Variants in PDK1 observed in about 807,000 individuals in gnomAD.
The protein encoded by PDK1 is pyruvate dehydrogenase kinase 1, also known as [Pyruvate dehydrogenase (acetyl-transferring)] kinase isozyme 1, mitochondrial.
PDK1 carries 39 observed loss-of-function variants against 54.2 expected under a neutral mutation model. That is an observed-to-expected ratio of 0.72 (90% CI 0.56 to 0.94). The LOEUF (loss-of-function observed/expected upper bound fraction) is 0.94, where lower values mean the gene tolerates loss of function less well. Ranked by LOEUF, PDK1 falls within the 40% of genes least tolerant of loss-of-function variation. PDK1 has a pLI of 0.00. For missense variants in PDK1, 552 were observed against 566.0 expected, an observed-to-expected ratio of 0.98 and a Z score of 0.25; for synonymous variants, 221 against 207.1, an observed-to-expected ratio of 1.07 and a Z score of -0.58.
intron 2 of PDK1, among the ~76,000 whole-genome samples, chr2:172,561,723 A>G (rs996430267): frequency 5.9e-5 from 9 of 152,218 alleles, no homozygotes; most frequent in African/African-American, 2.2e-4. Context: ...AACCATGTAG[A>G]TTATAGGCTT....
chr2:172,618,596 A>G, the PDK1 span, among the ~76,000 whole-genome samples: 1 of 152,204 alleles, frequency 6.6e-6, no homozygotes, highest in Non-Finnish European at 1.5e-5. Flanking sequence ...CTGCACCTGG[A>G]AAAGTTATGT....
chr2:172,696,613 A>G, the PDK1 span, among the ~76,000 whole-genome samples: 1 of 152,210 alleles, frequency 6.6e-6, no homozygotes, highest in Non-Finnish European at 1.5e-5. Context: ...TCACTGACAT[A>G]TTAGGATTTA....
At chr2:172,617,688 A>G in the PDK1 span, among the ~76,000 whole-genome samples, 1 of 152,140 alleles carries the variant, frequency 6.6e-6, no homozygotes, top group Non-Finnish European at 1.5e-5. Context: ...CCCATCTCCC[A>G]GTGCTGTTGC....
the PDK1 span, among the ~76,000 whole-genome samples, chr2:172,670,005 A>C: frequency 6.6e-6 from 1 of 152,026 alleles, no homozygotes; most frequent in Non-Finnish European, 1.5e-5. Context: ...AGTTTTATGC[A>C]ATCCCATTTG....
Position 172,607,021 on chromosome 2 carries a change from T to A in PDK1, c.*11052T>A, listed in dbSNP as rs1691321236. ...GGTGGAAATATAAAAGAGTAAGCCT[T>A]TAGAAACAGTTTGTGTCTAAATTAG... On this transcript the variant is annotated 3_prime_UTR_variant, in exon 11 of 11. Transcript: ENST00000282077. The A allele has an allele frequency of 6.6e-6, 1 of 152,206 alleles. No homozygotes were observed. Among genetic ancestry groups the A allele is most frequent in the African/African-American group, 2.4e-5 (1 of 41,456 alleles). 9.4% of individuals were successfully genotyped at this position (152,206 alleles called of 1,614,324 possible). A position where few individuals can be genotyped will look rare whatever the true frequency, so the allele number is the denominator to read the frequency against.
At position 172,597,874 on chromosome 2, in the gene PDK1, G is replaced by T. The variant is rs1690971770; in HGVS notation, c.*1905G>T. 6.6e-6 allele frequency: 1 copy of T among 152,212 alleles called. No individual in the cohort carries two copies. Among genetic ancestry groups the T allele is most frequent in the Non-Finnish European group, 1.5e-5 (1 of 68,038 alleles). The allele number at this position is 152,212 out of a possible 1,614,324, so 9.4% of individuals were successfully genotyped here. A position where few individuals can be genotyped will look rare whatever the true frequency, so the allele number is the denominator to read the frequency against. ...AGTTGAAACACTTCATCCTTGGAAG[G>T]ATTATATAAGATGAACAGTTGTGAT... On this transcript the variant is annotated 3_prime_UTR_variant, in exon 11 of 11. Transcript: ENST00000282077.
rs538241255 is a variant in PDK1 at position 172,585,316 on chromosome 2, AT to A, written c.946-935del. 5.4e-3 allele frequency among the ~76,000 whole-genome samples: 557 copies of A among 103,260 alleles called. 1 individual carries two copies. The highest frequency in any genetic ancestry group is 0.014 in the African/African-American group (309 of 22,374). 67.7% of individuals were successfully genotyped at this position (103,260 alleles called of 152,430 possible). On this transcript the variant is annotated intron_variant, in intron 8 of 10. Transcript: ENST00000282077. ...GCCCAGCCTAGTACATGCATTTTTA[AT>A]TTTTTTTTTTTTTTTTTTTTTTTTT...
chr2:172,566,737 G>A, intron 5 of PDK1, 119 bp from the exon 6 acceptor site: 9 of 392,088 alleles, frequency 2.3e-5, no homozygotes, highest in South Asian at 9.5e-5. Flanking sequence ...AACTATCAAA[G>A]TATATTTTCT....
the PDK1 span, among the ~76,000 whole-genome samples, chr2:172,658,177 G>T: frequency 6.6e-6 from 1 of 152,134 alleles, no homozygotes; most frequent in Admixed American, 6.6e-5. Flanking sequence ...CAACACTGGG[G>T]ACCAAATTTC....
chr2:172,620,859 C>G, the PDK1 span, among the ~76,000 whole-genome samples: 3 of 152,172 alleles, frequency 2.0e-5, no homozygotes, highest in Non-Finnish European at 4.4e-5. Flanking sequence ...TCCTGTACAG[C>G]CTGCAGAACC....
intron 2 of PDK1, among the ~76,000 whole-genome samples, chr2:172,559,129 A>T (rs1688519553): frequency 6.6e-6 from 1 of 152,028 alleles, no homozygotes; most frequent in Admixed American, 6.6e-5. Context: ...TTGTATTTTT[A>T]GTAGAGACAG....
chr2:172,706,135 A>G, the PDK1 span, among the ~76,000 whole-genome samples: 14 of 152,172 alleles, frequency 9.2e-5, no homozygotes, highest in Admixed American at 2.0e-4. Flanking sequence ...TAATATCCAC[A>G]CCCTTGTCCC....
At chr2:172,612,019 C>T (rs796101583), downstream of PDK1, among the ~76,000 whole-genome samples, 3 of 152,298 alleles carry the variant, frequency 2.0e-5, no homozygotes, top group African/African-American at 7.2e-5. Flanking sequence ...ATAAATCAAA[C>T]ACATATTTGC....
the PDK1 span, among the ~76,000 whole-genome samples, chr2:172,655,922 T>C: frequency 1.3e-5 from 2 of 152,194 alleles, no homozygotes; most frequent in African/African-American, 4.8e-5. Context: ...TTTGGCTTGT[T>C]TTTGACTCAA....
At chr2:172,683,068 T>A in the PDK1 span, among the ~76,000 whole-genome samples, 2 of 151,946 alleles carry the variant, frequency 1.3e-5, no homozygotes, top group African/African-American at 4.8e-5. Flanking sequence ...ATAAAGAGGC[T>A]GGGCATGGGG....
At chr2:172,587,240 CTTCAGATG>C (rs1271510883) in intron 9 of PDK1, among the ~76,000 whole-genome samples, 1 of 152,216 alleles carries the variant, frequency 6.6e-6, no homozygotes, top group African/African-American at 2.4e-5. Flanking sequence ...TCCAGAGTTA[CTTCAGATG>C]TTCAGATGTG....
chr2:172,556,912 A>G (rs1490652475), intron 1 of PDK1, among the ~76,000 whole-genome samples: 2 of 152,248 alleles, frequency 1.3e-5, no homozygotes. Flanking sequence ...TGAGGACAAG[A>G]TGCTGTGAAG....
Position 172,600,254 on chromosome 2 carries a change from A to T in PDK1, c.*4285A>T, listed in dbSNP as rs1163187048. ...GTTATAGTACTACATGAAAATACTT[A>T]ATATAGAGTTCTACAGTTACAGTAT... On this transcript the variant is annotated 3_prime_UTR_variant, in exon 11 of 11. Coordinates refer to ENST00000282077, the MANE Select transcript of PDK1 (RefSeq NM_002610.5). 6.6e-6 allele frequency: 1 copy of T among 152,190 alleles called. No homozygotes were observed. The highest frequency in any genetic ancestry group is 2.4e-5 in the African/African-American group (1 of 41,414). 9.4% of individuals were successfully genotyped at this position (152,190 alleles called of 1,614,324 possible).
chr2:172,679,275 G>A, the PDK1 span, among the ~76,000 whole-genome samples: 6 of 152,076 alleles, frequency 3.9e-5, no homozygotes, highest in African/African-American at 1.2e-4. Flanking sequence ...GTGAGACCCT[G>A]TCTCTAAATT....
Sources: gnomAD v4.1 joint callset for allele counts (sites outside exome capture counted in the v4.1 genomes callset) on GRCh38, gnomAD v4.1.1 for gene constraint, MANE v1.5 for transcripts, NCBI Gene and HGNC (gene_info 2026-07-23, HGNC 2026-07-21) for gene names.